The following SLFN11 variants were observed in gnomAD, a reference collection of about 807,000 sequenced individuals.
SLFN11 encodes schlafen family member 11.
Under a neutral mutation model 53.4 loss-of-function variants are expected in SLFN11, and 43 were observed. The ratio of observed to expected loss-of-function variants is 0.80; its 90% CI spans 0.63 to 1.04. The LOEUF (loss-of-function observed/expected upper bound fraction) is 1.04. Among genes scored for constraint, SLFN11 ranks in the 50% least tolerant of loss-of-function variants. The probability of loss-of-function intolerance (pLI) is 0.00; values close to 1 mark genes in which losing one functional copy is unlikely to be tolerated. For missense variants in SLFN11, 990 were observed against 1,079.1 expected (o/e 0.92, Z 1.16); for synonymous variants, 389 against 394.7 (o/e 0.99, Z 0.17).
At chr17:35,361,092 A>G (rs570622068) in intron 4 of SLFN11, among the ~76,000 whole-genome samples, 1 of 151,998 alleles carries the variant, frequency 6.6e-6, no homozygotes, top group African/African-American at 2.4e-5. Context: ...GTACACATCC[A>G]CTTTACTCAG....
Position 35,353,890 on chromosome 17 carries a change from T to G in SLFN11, c.1368A>C (p.Gly456=), listed in dbSNP as rs769790726. 4 of 1,613,672 alleles carry G rather than the reference T, an allele frequency of 2.5e-6. No homozygotes were observed. In the African/African-American group the frequency reaches 4.0e-5, roughly 16 times the overall value. Reference sequence around the variant, plus strand: ...CTATCAGCAGAGCATCACAGATGACTCCTGGCTTCTCCTGCAAGTTCAGGT... The same window carrying G: ...CTATCAGCAGAGCATCACAGATGACGCCTGGCTTCTCCTGCAAGTTCAGGT... ...AVDLNLQEKP[G]VICDALLIAQ... Residue 456 remains glycine, a synonymous_variant, in exon 6 of 7, where the codon GGA becomes GGC. Coordinates refer to ENST00000685675, the MANE Select transcript of SLFN11 (RefSeq NM_001376007.1).
rs1036762351 is a variant in SLFN11 at position 35,352,216 on chromosome 17, G to C, written c.*140C>G. 27 of 1,104,206 alleles carry C rather than the reference G, an allele frequency of 2.4e-5. No individual in the cohort carries two copies. The highest frequency in any genetic ancestry group is 3.2e-5 in the Non-Finnish European group (25 of 776,366). 68.4% of individuals were successfully genotyped at this position (1,104,206 alleles called of 1,614,324 possible). A position where few individuals can be genotyped will look rare whatever the true frequency, so the allele number is the denominator to read the frequency against. On this transcript the variant is annotated 3_prime_UTR_variant, in exon 7 of 7. Transcript: ENST00000685675. ...GTTGGGGAAGGAACCCCTGAAAGGA[G>C]AGCCAGAAATGGGGGAGCTCCAAAC...
chr17:35,360,962 C>G (rs865890241), intron 4 of SLFN11, among the ~76,000 whole-genome samples: 4 of 152,070 alleles, frequency 2.6e-5, no homozygotes, highest in Non-Finnish European at 2.9e-5. Context: ...ATTCTGACAC[C>G]TATGCTTATT....
rs1299186748 is a variant in SLFN11, at chr17:35,352,728, TC to T, written c.2333del (p.Arg778GlnfsTer6). 1 of 1,614,210 alleles carries T rather than the reference TC, an allele frequency of 6.2e-7. No homozygotes were observed. Among genetic ancestry groups the T allele is most frequent in the South Asian group, 1.1e-5 (1 of 91,084 alleles). On this transcript the variant is annotated frameshift_variant, in exon 7 of 7. Coordinates refer to ENST00000685675, the MANE Select transcript of SLFN11 (RefSeq NM_001376007.1). LOFTEE classifies it low-confidence loss of function (END_TRUNC). The part of the protein sequence containing the change: ...EWSQGVQGTL[R>X]IKKYLTVEQI... Reference sequence around the variant, plus strand: ...GCTCCACAGTCAAGTATTTCTTAATTCGTAAGGTTCCCTGAACACCCTGGGA... The same window carrying T: ...GCTCCACAGTCAAGTATTTCTTAATTGTAAGGTTCCCTGAACACCCTGGGA...
chr17:35,366,833 A>T (rs1343958065), intron 3 of SLFN11, 114 bp downstream of exon 3: 1 of 152,128 alleles, frequency 6.6e-6, no homozygotes, highest in African/African-American at 2.4e-5. Context: ...GCACTTTGGG[A>T]GGCTGAGGCA....
rs1002386004 is a variant in SLFN11, at chr17:35,351,591, C to T, written c.*765G>A. On this transcript the variant is annotated 3_prime_UTR_variant, in exon 7 of 7. Transcript: ENST00000685675. The stretch of plus-strand genomic sequence containing the variant: ...GGTTCACCTTAGGGCTGATACACAC[C>T]TTCAGAACCAGATTTTGGTCTCTAA... 3 of 152,166 alleles carry T rather than the reference C, an allele frequency of 2.0e-5. No homozygotes were observed. Among genetic ancestry groups the T allele is most frequent in the East Asian group, 1.9e-4 (1 of 5,202 alleles). 9.4% of individuals were successfully genotyped at this position (152,166 alleles called of 1,614,324 possible).
intron 4 of SLFN11, 65 bp from the exon 5 acceptor site, chr17:35,360,436 A>T: frequency 7.0e-7 from 1 of 1,425,696 alleles, no homozygotes; most frequent in Non-Finnish European, 9.5e-7. Flanking sequence ...AGGCTCTATC[A>T]GTAGGTGGAA....
chr17:35,360,267 C>A lies in SLFN11; in HGVS notation c.1174G>T (p.Glu392Ter). The A allele has an allele frequency of 6.2e-7, 1 of 1,610,480 alleles. No individual in the cohort carries two copies. The highest frequency in any genetic ancestry group is 1.1e-5 in the South Asian group (1 of 90,386). Reference sequence around the variant, plus strand: ...CCTGAAAATAAAAGTTGCTGGAGTTCCTTTTTATGTTCCAGGCCTTTCTTG... The same window carrying A: ...CCTGAAAATAAAAGTTGCTGGAGTTACTTTTTATGTTCCAGGCCTTTCTTG... ...YSKKGLEHKK[E>*]LQQLLFSVPP... Residue 392 changes from glutamate (E) to a stop codon, truncating the protein, a stop_gained, in exon 5 of 7, where the codon GAA (glutamate) becomes TAA (stop). Coordinates refer to ENST00000685675, the MANE Select transcript of SLFN11 (RefSeq NM_001376007.1). LOFTEE classifies it high-confidence loss of function.
chr17:35,356,556 C>G (rs564872262), intron 5 of SLFN11, among the ~76,000 whole-genome samples: 1 of 152,046 alleles, frequency 6.6e-6, no homozygotes, highest in South Asian at 2.1e-4. Context: ...AGGTAGCAAA[C>G]CATTCAGCAA....
chr17:35,355,715 C>T (rs80306106), intron 5 of SLFN11, among the ~76,000 whole-genome samples: 1,873 of 151,938 alleles, frequency 0.012, 21 homozygotes, highest in South Asian at 0.021. Context: ...ATGATAGGGA[C>T]CAGACTAGGT....
In SLFN11 at chr17:35,362,755, C is replaced by T; in HGVS notation, c.1053G>A (p.Met351Ile). 2 of 1,572,194 alleles carry T rather than the reference C, an allele frequency of 1.3e-6. No individual in the cohort carries two copies. The highest frequency in any genetic ancestry group is 1.7e-6 in the Non-Finnish European group (2 of 1,158,870). The change falls in exon 4 of 7, where the codon ATG (methionine) becomes ATA (isoleucine). Residue 351 changes from methionine (M) to isoleucine (I), a missense_variant. Physicochemically the swap from Met to Ile is conservative, Grantham distance 10 (BLOSUM62 1). Transcript: ENST00000685675. ...CCCTCTTACCTGGATCTGTGTCTGT[C>T]ATCATGCCTACCCATTTCTCGGTTG... The part of the protein sequence containing the change: ...SLTTEKWVGM[M>I]TDTDPDLLQL...
At chr17:35,373,219 G>A (rs1909911226) in intron 1 of SLFN11, among the ~76,000 whole-genome samples, 1 of 151,680 alleles carries the variant, frequency 6.6e-6, no homozygotes, top group Admixed American at 6.6e-5. Flanking sequence ...AGCGGGAGCA[G>A]GTGCACAGGT....
At chr17:35,364,309 T>C (rs2141972678) in intron 3 of SLFN11, among the ~76,000 whole-genome samples, 1 of 152,044 alleles carries the variant, frequency 6.6e-6, no homozygotes, top group South Asian at 2.1e-4. Context: ...GGACTGACTG[T>C]GAAAAACCAG....
At position 35,352,141 on chromosome 17, in the gene SLFN11, G is replaced by C. The variant is rs956163491; in HGVS notation, c.*215C>G. On this transcript the variant is annotated 3_prime_UTR_variant, in exon 7 of 7. Transcript: ENST00000685675. ...CCTTTAGAAAACCACCATCTTTCTG[G>C]CTGGAAGAGTCAGGGGTCAGAATGG... is the stretch of plus-strand genomic sequence containing the variant. 3.3e-6 allele frequency: 2 copies of C among 604,044 alleles called. No homozygotes were observed. Among genetic ancestry groups the C allele is most frequent in the African/African-American group, 1.9e-5 (1 of 54,000 alleles). The allele number at this position is 604,044 out of a possible 1,614,324, so 37.4% of individuals were successfully genotyped here.
chr17:35,363,317 C>T lies in SLFN11; in HGVS notation c.491G>A (p.Gly164Glu), dbSNP rs375803821. The change falls in exon 4 of 7, where the codon GGA (glycine) becomes GAA (glutamate). Residue 164 changes from glycine to glutamate, a missense_variant. Physicochemically the swap from Gly to Glu is moderately conservative, Grantham distance 98 (BLOSUM62 -2). This residue lies in a region of SLFN11 where 521 missense variants were observed against 516.2 expected (regional missense o/e 1.01). Transcript: ENST00000685675. Reference protein sequence around the residue: ...TKRKPKILEEGPFHKIHKGVY... With the variant: ...TKRKPKILEEEPFHKIHKGVY... ...ACCCTTGTGAATTTTGTGAAAAGGT[C>T]CTTCTTCCAAGATTTTTGGCTTCCT... 14 of 1,613,852 alleles carry T rather than the reference C, an allele frequency of 8.7e-6. No homozygotes were observed. The Middle Eastern group carries it at 8.2e-4, about 95-fold the overall frequency.
In SLFN11 at chr17:35,363,133, T is replaced by A. The variant is rs143078459; in HGVS notation, c.675A>T (p.Glu225Asp). The part of the protein sequence containing the change: ...FKQFSTKHFQ[E>D]YVKRTIPEYV... ...ATTCTGGAATTGTCCTTTTTACATA[T>A]TCTTGGAAGTGTTTTGTAGAGAACT... The change falls in exon 4 of 7, where the codon GAA becomes GAT. Residue 225 changes from glutamate (E) to aspartate (D), a missense_variant. Around this residue, in one of 3 missense-constraint regions of SLFN11, gnomAD observed 521 missense variants for 516.2 expected, o/e 1.01. Transcript: ENST00000685675. The A allele has an allele frequency of 1.2e-6, 2 of 1,613,652 alleles. No individual in the cohort carries two copies. The highest frequency in any genetic ancestry group is 1.7e-5 in the Admixed American group (1 of 59,930).
chr17:35,362,965 T>C lies in SLFN11; in HGVS notation c.843A>G (p.Leu281=). 2 of 1,613,774 alleles carry C rather than the reference T, an allele frequency of 1.2e-6. No homozygotes were observed. The highest frequency in any genetic ancestry group is 1.7e-6 in the Non-Finnish European group (2 of 1,179,884). The stretch of plus-strand genomic sequence containing the variant: ...GGGGTTGGCAAAAATGAACACAAGG[T>C]AGTTTGTATATGGCTTGTTCTATTT... ...RRKIEQAIYK[L]PCVHFCQPQR... is the part of the protein sequence containing the mutation. Residue 281 remains leucine, a synonymous_variant, in exon 4 of 7, where the codon CTA becomes CTG. Coordinates refer to ENST00000685675, the MANE Select transcript of SLFN11 (RefSeq NM_001376007.1).
At position 35,353,493 on chromosome 17, in the gene SLFN11, G is replaced by T; in HGVS notation, c.1765C>A (p.Leu589Ile). ...ACAAACAACTCTCTGTTCTTGCGGA[G>T]GCTTCTGGAGAATATCTCATACTGC... ...AQQYEIFSRS[L>I]RKNRELFVHG... Residue 589 changes from leucine to isoleucine, a missense_variant, in exon 6 of 7, where the codon CTC becomes ATC. Leu to Ile is a conservative substitution (Grantham distance 5, BLOSUM62 2). Coordinates refer to ENST00000685675, the MANE Select transcript of SLFN11 (RefSeq NM_001376007.1). The T allele has an allele frequency of 1.3e-6, 2 of 1,562,266 alleles. No individual in the cohort carries two copies. Among genetic ancestry groups the T allele is most frequent in the Middle Eastern group, 1.7e-4 (1 of 5,852 alleles).
chr17:35,358,465 T>C (rs760008963), intron 5 of SLFN11, among the ~76,000 whole-genome samples: 10 of 151,792 alleles, frequency 6.6e-5, no homozygotes, highest in East Asian at 1.9e-4. Context: ...AATATGCACA[T>C]GGCTGTTTTG....
Sources: allele counts gnomAD v4.1 joint callset (sites outside exome capture counted in the v4.1 genomes callset), GRCh38; gene constraint gnomAD v4.1.1; regional missense constraint gnomAD v4.1.1; transcripts MANE v1.5; gene names NCBI Gene and HGNC (gene_info 2026-07-23, HGNC 2026-07-21).